FHIT: variants seen among roughly 807,000 people sequenced by gnomAD.
The protein encoded by FHIT is bis(5'-adenosyl)-triphosphatase.
A neutral mutation model predicts 17.9 loss-of-function variants in FHIT; 19 were observed. The observed-to-expected ratio is 1.06, with a 90% confidence interval of 0.74 to 1.56. FHIT has a LOEUF of 1.56. Among genes scored for constraint, FHIT ranks in the 40% most tolerant of loss-of-function variants. FHIT has a pLI of 0.00. For missense variants in FHIT, 248 were observed against 189.2 expected (o/e 1.31, Z -1.82); for synonymous variants, 81 against 69.7 (o/e 1.16, Z -0.81).
chr3:59,921,664 T>C (rs984591439), intron 8 of FHIT, among the ~76,000 whole-genome samples: 1 of 152,028 alleles, frequency 6.6e-6, no homozygotes, highest in Non-Finnish European at 1.5e-5. Flanking sequence ...AATCACCTTA[T>C]AACAGCCTGA....
intron 3 of FHIT, among the ~76,000 whole-genome samples, chr3:60,955,635 C>CATATATATATAT (rs1553778580): frequency 6.2e-5 from 3 of 48,364 alleles, no homozygotes; most frequent in African/African-American, 1.5e-4. Context: ...TATATATATA[C>CATATATATATAT]ACACACACAC....
chr3:60,866,581 G>A (rs1704174964), intron 3 of FHIT, among the ~76,000 whole-genome samples: 1 of 152,114 alleles, frequency 6.6e-6, no homozygotes, highest in South Asian at 2.1e-4. Flanking sequence ...ACTCTACTAA[G>A]CCTGTCCCAA....
chr3:60,567,068 C>G (rs900393920), intron 4 of FHIT, among the ~76,000 whole-genome samples: 17 of 150,434 alleles, frequency 1.1e-4, no homozygotes, highest in African/African-American at 3.9e-4. Context: ...TCATCCCCAT[C>G]AAGCTACCAA....
At chr3:60,720,173 C>T (rs1449619786) in intron 4 of FHIT, among the ~76,000 whole-genome samples, 2 of 152,142 alleles carry the variant, frequency 1.3e-5, no homozygotes, top group Admixed American at 1.3e-4. Flanking sequence ...CTTGAACTAG[C>T]CATCCTCCTT....
At chr3:59,983,422 T>C (rs1227467668) in intron 7 of FHIT, among the ~76,000 whole-genome samples, 1 of 152,142 alleles carries the variant, frequency 6.6e-6, no homozygotes, top group Non-Finnish European at 1.5e-5. Context: ...TACAATATTC[T>C]GAGAGCAAGA....
intron 5 of FHIT, among the ~76,000 whole-genome samples, chr3:60,395,199 G>T (rs189385759): frequency 1.2e-4 from 19 of 152,268 alleles, no homozygotes; most frequent in African/African-American, 4.3e-4. Context: ...GATAATTTCT[G>T]CAAGGCAAGG....
chr3:60,364,061 C>T (rs1700012566), intron 5 of FHIT, among the ~76,000 whole-genome samples: 1 of 152,142 alleles, frequency 6.6e-6, no homozygotes, highest in South Asian at 2.1e-4. Flanking sequence ...TTCCCTGCAC[C>T]CAGCCCACAA....
intron 3 of FHIT, among the ~76,000 whole-genome samples, chr3:61,037,661 A>G (rs1016114120): frequency 1.3e-5 from 2 of 152,174 alleles, no homozygotes; most frequent in Non-Finnish European, 2.9e-5. Flanking sequence ...GTTATCAGAG[A>G]AGTGGGTTAG....
chr3:60,207,073 A>C (rs919282976), intron 5 of FHIT, among the ~76,000 whole-genome samples: 1 of 152,096 alleles, frequency 6.6e-6, no homozygotes, highest in African/African-American at 2.4e-5. Flanking sequence ...CATTTGAAAA[A>C]AGTCTCAGAA....
chr3:59,910,886 A>G lies in FHIT; in HGVS notation c.348+11460T>C, dbSNP rs181088669. 2.3e-3 allele frequency among the ~76,000 whole-genome samples: 357 copies of G among 152,108 alleles called. 3 individuals carry two copies. The highest frequency in any genetic ancestry group is 8.3e-3 in the African/African-American group (342 of 41,440). On this transcript the variant is annotated intron_variant, in intron 8 of 9. Coordinates refer to ENST00000492590, the MANE Select transcript of FHIT (RefSeq NM_002012.4). ...GTGACTCCAAATTAGGAAAGATGGGAAAAAAAAGAAGGAAAAAAAATTGAA... is the reference window on the plus strand; with the variant it reads ...GTGACTCCAAATTAGGAAAGATGGGGAAAAAAAGAAGGAAAAAAAATTGAA...
In FHIT at chr3:60,421,872, T is replaced by C. The variant is rs560903237; in HGVS notation, c.103+114988A>G. ...GTATGTGATGAGTATGGAAAATGCA[T>C]ACTTCCAACGGAAGCAGAGAGACTT... On this transcript the variant is annotated intron_variant, in intron 5 of 9. Coordinates refer to ENST00000492590, the MANE Select transcript of FHIT (RefSeq NM_002012.4). 2.0e-5 allele frequency among the ~76,000 whole-genome samples: 3 copies of C among 152,260 alleles called. 1 individual carries two copies. The highest frequency in any genetic ancestry group is 2.0e-4 in the Admixed American group (3 of 15,298).
At chr3:60,468,510 C>G (rs2032918576) in intron 5 of FHIT, among the ~76,000 whole-genome samples, 1 of 152,000 alleles carries the variant, frequency 6.6e-6, no homozygotes, top group African/African-American at 2.4e-5. Flanking sequence ...CAAATAACAT[C>G]TTGTAACCCA....
intron 5 of FHIT, among the ~76,000 whole-genome samples, chr3:60,345,004 C>G (rs1710705785): frequency 6.6e-6 from 1 of 152,088 alleles, no homozygotes; most frequent in Non-Finnish European, 1.5e-5. Context: ...GCAAATTTCC[C>G]TTTGTATAAA....
chr3:59,953,342 T>A (rs778218273), intron 7 of FHIT, among the ~76,000 whole-genome samples: 1 of 152,068 alleles, frequency 6.6e-6, no homozygotes, highest in Non-Finnish European at 1.5e-5. Context: ...TGGGTCCTTG[T>A]GTGCATGTCC....
intron 2 of FHIT, among the ~76,000 whole-genome samples, chr3:61,053,295 C>A (rs13317838): frequency 0.18 from 26,840 of 151,978 alleles, 2,650 homozygotes; most frequent in African/African-American, 0.24. Context: ...CATTCACATA[C>A]ATAAAAAAAA....
At chr3:60,193,718 A>G (rs200599612) in intron 5 of FHIT, among the ~76,000 whole-genome samples, 1 of 152,172 alleles carries the variant, frequency 6.6e-6, no homozygotes, top group Non-Finnish European at 1.5e-5. Context: ...CTGACCCTGC[A>G]AACAGTTTAG....
intron 8 of FHIT, among the ~76,000 whole-genome samples, chr3:59,818,685 T>C (rs1034278566): frequency 1.3e-5 from 2 of 152,194 alleles, no homozygotes; most frequent in African/African-American, 4.8e-5. Flanking sequence ...CTGGGATTCA[T>C]TTTTACTGGA....
At chr3:60,141,695 G>T (rs978045647) in intron 5 of FHIT, among the ~76,000 whole-genome samples, 5 of 152,136 alleles carry the variant, frequency 3.3e-5, no homozygotes, top group African/African-American at 1.2e-4. Flanking sequence ...TCACTAAAAT[G>T]AATGTTTTGA....
chr3:60,062,799 C>T (rs1342326895), intron 5 of FHIT, among the ~76,000 whole-genome samples: 1 of 152,082 alleles, frequency 6.6e-6, no homozygotes. Flanking sequence ...AAAGAATCTT[C>T]AGGAAAACAT....
Sources: gnomAD v4.1 joint callset for allele counts (sites outside exome capture counted in the v4.1 genomes callset) on GRCh38, gnomAD v4.1.1 for gene constraint, MANE v1.5 for transcripts, NCBI Gene and HGNC (gene_info 2026-07-23, HGNC 2026-07-21) for gene names.